PIP5K1C: variants seen among roughly 807,000 people sequenced by gnomAD.
PIP5K1C encodes phosphatidylinositol 4-phosphate 5-kinase type-1 gamma.
A neutral mutation model predicts 80.1 loss-of-function variants in PIP5K1C; 45 were observed. The observed-to-expected ratio is 0.56, with a 90% CI of 0.44 to 0.72. The LOEUF is 0.72. Ranked by LOEUF, PIP5K1C falls within the 30% of genes least tolerant of loss-of-function variation. PIP5K1C has a pLI of 0.00. For missense variants in PIP5K1C, 753 were observed against 954.6 expected (o/e 0.79, Z 2.78); for synonymous variants, 498 against 420.1 (o/e 1.19, Z -2.27).
intron 1 of PIP5K1C, among the ~76,000 whole-genome samples, chr19:3,699,969 C>T (rs1179914506): frequency 6.6e-6 from 1 of 152,338 alleles, no homozygotes; most frequent in Non-Finnish European, 1.5e-5. Flanking sequence ...GCCTCAGAGA[C>T]CCCCGCCTCC....
intron 17 of PIP5K1C, 37 bp downstream of exon 17, chr19:3,633,399 GC>G: frequency 7.0e-7 from 1 of 1,425,924 alleles, no homozygotes; most frequent in Middle Eastern, 1.9e-4. Flanking sequence ...GAACCTTGGA[GC>G]CCACGGGACC....
At chr19:3,661,799 C>T in intron 4 of PIP5K1C, 72 bp downstream of exon 4, 3 of 1,585,138 alleles carry the variant, frequency 1.9e-6, no homozygotes, top group South Asian at 2.2e-5. Flanking sequence ...GAAGGGCGCT[C>T]AGGACAGGCC....
intron 7 of PIP5K1C, 132 bp downstream of exon 7, chr19:3,653,158 G>T: frequency 1.3e-6 from 1 of 745,708 alleles, no homozygotes; most frequent in Non-Finnish European, 2.2e-6. Flanking sequence ...ACACTGGGGT[G>T]GGGCCTGCTG....
rs764598730 is a variant in PIP5K1C at position 3,651,932 on chromosome 19, T to G, written c.1021A>C (p.Thr341Pro). The change falls in exon 8 of 18, where the codon ACC (threonine) becomes CCC (proline). Residue 341 changes from threonine (T) to proline (P), a missense_variant. Physicochemically the swap from Thr to Pro is conservative, Grantham distance 38. This residue lies in a region of PIP5K1C where 105 missense variants were observed against 133.4 expected (regional missense o/e 0.79). Transcript: ENST00000335312. ...CCCACAGGCCGCTTCTCATCTGAGGTGCTCTGGGCGCCCTGCGCCTGCCGC... is the reference window on the plus strand; with the variant it reads ...CCCACAGGCCGCTTCTCATCTGAGGGGCTCTGGGCGCCCTGCGCCTGCCGC... The part of the protein sequence containing the change: ...RERQAQGAQS[T>P]SDEKRPVGQK... The G allele has an allele frequency of 6.2e-7, 1 of 1,612,854 alleles. No homozygotes were observed. The highest frequency in any genetic ancestry group is 1.1e-5 in the South Asian group (1 of 91,082).
At chr19:3,633,837 C>T (rs924063731) in intron 16 of PIP5K1C, among the ~76,000 whole-genome samples, 1 of 152,110 alleles carries the variant, frequency 6.6e-6, no homozygotes, top group Non-Finnish European at 1.5e-5. Flanking sequence ...ACCTGGAGCA[C>T]CGAGTGTTCC....
At chr19:3,644,365 C>T (rs996562105) in intron 11 of PIP5K1C, 114 bp from the exon 12 acceptor site, 17 of 1,077,748 alleles carry the variant, frequency 1.6e-5, no homozygotes, top group Non-Finnish European at 1.9e-5. Context: ...AGACCCCTAC[C>T]GGTCCCTGAG....
At chr19:3,693,100 C>T (rs892705234) in intron 1 of PIP5K1C, among the ~76,000 whole-genome samples, 1 of 152,110 alleles carries the variant, frequency 6.6e-6, no homozygotes, top group African/African-American at 2.4e-5. Context: ...TGGCCCCACT[C>T]CCAGAGTTCC....
At chr19:3,647,852 CAGG>C (rs1315205558) in intron 9 of PIP5K1C, among the ~76,000 whole-genome samples, 1 of 152,178 alleles carries the variant, frequency 6.6e-6, no homozygotes, top group African/African-American at 2.4e-5. Context: ...GAGGCTGGGG[CAGG>C]AGAATAGGGT....
rs200463596 is a variant in PIP5K1C at position 3,634,040 on chromosome 19, C to CT, written c.1921-521dup. On this transcript the variant is annotated intron_variant, in intron 16 of 17. Coordinates refer to ENST00000335312, the MANE Select transcript of PIP5K1C (RefSeq NM_012398.3). The stretch of plus-strand genomic sequence containing the variant: ...TGCCTGCGGGCAGGGCCAGTCCCCT[C>CT]TGCCAGCACAGACGTGCTAGGAGAG... 2.6e-3 allele frequency among the ~76,000 whole-genome samples: 394 copies of CT among 152,288 alleles called. 14 individuals carry two copies. In the East Asian group the frequency reaches 0.064, roughly 25 times the overall value.
At chr19:3,634,150 A>G (rs1429100701) in intron 16 of PIP5K1C, among the ~76,000 whole-genome samples, 1 of 151,424 alleles carries the variant, frequency 6.6e-6, no homozygotes, top group Non-Finnish European at 1.5e-5. Flanking sequence ...GTTCAGGGCT[A>G]GGCACAGGCA....
At position 3,637,070 on chromosome 19, in the gene PIP5K1C, C is replaced by T; in HGVS notation, c.1920+1814G>A. ...GGAGAGACCATCTCCTCCCCGTCTC[C>T]ATGGCCCTGCGGTTCAGAGCCCGGC... On this transcript the variant is annotated intron_variant, in intron 16 of 17. Coordinates refer to ENST00000335312, the MANE Select transcript of PIP5K1C (RefSeq NM_012398.3). The surrounding 1 kb of genome is among the most constrained non-coding windows in gnomAD (Gnocchi z 7.0). The T allele has an allele frequency of 8.2e-7, 1 of 1,213,436 alleles. No individual in the cohort carries two copies. The highest frequency in any genetic ancestry group is 1.0e-6 in the Non-Finnish European group (1 of 969,286). 75.2% of individuals were successfully genotyped at this position (1,213,436 alleles called of 1,614,324 possible).
chr19:3,659,411 T>C (rs1408176492), intron 5 of PIP5K1C, among the ~76,000 whole-genome samples: 3 of 152,234 alleles, frequency 2.0e-5, no homozygotes, highest in East Asian at 1.9e-4. Flanking sequence ...TGCGATCTTA[T>C]CGGGTTCTAG....
intron 9 of PIP5K1C, among the ~76,000 whole-genome samples, chr19:3,647,946 TAAAAC>T (rs1182351965): frequency 6.6e-6 from 1 of 152,150 alleles, no homozygotes; most frequent in Non-Finnish European, 1.5e-5. Flanking sequence ...GACTTTGTCT[TAAAAC>T]AAACAAATGA....
intron 1 of PIP5K1C, among the ~76,000 whole-genome samples, chr19:3,671,212 C>T (rs2035195612): frequency 6.6e-6 from 1 of 152,240 alleles, no homozygotes; most frequent in Non-Finnish European, 1.5e-5. Context: ...TGGGGCCCCC[C>T]CACACCCACT....
intron 1 of PIP5K1C, 91 bp from the exon 2 acceptor site, chr19:3,667,444 G>C: frequency 6.9e-7 from 1 of 1,439,968 alleles, no homozygotes; most frequent in African/African-American, 1.4e-5. Flanking sequence ...TGGCGCCCCA[G>C]GCCTGGCGTG....
rs544594594 is a variant in PIP5K1C, at chr19:3,688,382, G to T, written c.94+11915C>A. Among the ~76,000 whole-genome samples, 2 of 152,166 alleles carry T rather than the reference G, an allele frequency of 1.3e-5. No homozygotes were observed. Among genetic ancestry groups the T allele is most frequent in the Admixed American group, 6.5e-5 (1 of 15,284 alleles). On this transcript the variant is annotated intron_variant, in intron 1 of 17. Coordinates refer to ENST00000335312, the MANE Select transcript of PIP5K1C (RefSeq NM_012398.3). The surrounding 1 kb of genome is among the most constrained non-coding windows in gnomAD (Gnocchi z 5.3). ...GAGCTCCTGTTCCTCACCTGCGAGG[G>T]GGGGACGGCCTCTGGCCCCCTGCTG...
intron 2 of PIP5K1C, among the ~76,000 whole-genome samples, chr19:3,665,242 C>G (rs1308362654): frequency 6.6e-6 from 1 of 152,194 alleles, no homozygotes; most frequent in Non-Finnish European, 1.5e-5. Flanking sequence ...GCTGTGGACA[C>G]TGGGGCTGGA....
rs1197052179 is a variant in PIP5K1C at position 3,644,122 on chromosome 19, C to T, written c.1475G>A (p.Arg492Gln). The T allele has an allele frequency of 8.1e-6, 13 of 1,611,576 alleles. No individual in the cohort carries two copies. The highest frequency in any genetic ancestry group is 3.3e-5 in the South Asian group (3 of 91,060). The change falls in exon 12 of 18, where the codon CGG (arginine) becomes CAG (glutamine). Residue 492 changes from arginine (R) to glutamine (Q), a missense_variant. By Grantham distance (43) the Arg-to-Gln change is conservative. This residue lies in a region of PIP5K1C where 315 missense variants were observed against 294.5 expected (regional missense o/e 1.07). Coordinates refer to ENST00000335312, the MANE Select transcript of PIP5K1C (RefSeq NM_012398.3). The part of the protein sequence containing the change: ...SEREEAQYDL[R>Q]GARSYPTLED... The stretch of plus-strand genomic sequence containing the variant: ...CAGCGTGGGGTAGCTGCGGGCCCCC[C>T]GCAGGTCGTACTGGGCCTCCTCCCG...
rs1421074457 is a variant in PIP5K1C, at chr19:3,688,920, C to CG, written c.94+11376dup. 7.1e-6 allele frequency among the ~76,000 whole-genome samples: 1 copy of CG among 141,262 alleles called. No individual in the cohort carries two copies. The highest frequency in any genetic ancestry group is 2.5e-5 in the African/African-American group (1 of 39,220). The allele number at this position is 141,262 out of a possible 152,430, so 92.7% of individuals were successfully genotyped here. A position where few individuals can be genotyped will look rare whatever the true frequency, so the allele number is the denominator to read the frequency against. The stretch of plus-strand genomic sequence containing the variant: ...GTCCCCAACACAGCCTGCAAATGGG[C>CG]GGGGGCCTGGGAGAGTGCCCGGGAT... On this transcript the variant is annotated intron_variant, in intron 1 of 17. Coordinates refer to ENST00000335312, the MANE Select transcript of PIP5K1C (RefSeq NM_012398.3). This position sits in a 1 kb window ranked among gnomAD's most constrained non-coding sequence, Gnocchi z 5.3.
Sources: gnomAD v4.1 joint callset for allele counts (sites outside exome capture counted in the v4.1 genomes callset) on GRCh38, gnomAD v4.1.1 for gene constraint, gnomAD v4.1.1 regional missense constraint, Gnocchi (gnomAD v3.1) non-coding constraint, MANE v1.5 for transcripts, NCBI Gene and HGNC (gene_info 2026-07-23, HGNC 2026-07-21) for gene names.